Variants in PRKAR2B observed in about 807,000 individuals in gnomAD.
PRKAR2B encodes protein kinase cAMP-dependent type II regulatory subunit beta, also known as cAMP-dependent protein kinase type II-beta regulatory subunit.
In PRKAR2B, 14 loss-of-function variants were observed where a neutral mutation model predicts 49.9. The ratio of observed to expected loss-of-function variants is 0.28; its 90% CI spans 0.19 to 0.44. PRKAR2B has a LOEUF of 0.44. Among genes scored for constraint, PRKAR2B ranks in the 20% least tolerant of loss-of-function variants. The pLI, the probability that PRKAR2B is intolerant of heterozygous loss-of-function variation, is 1.00. For missense variants in PRKAR2B, 393 were observed against 537.9 expected (o/e 0.73, Z 2.67); for synonymous variants, 196 against 197.7 (o/e 0.99, Z 0.07).
chr7:107,078,531 C>T (rs1794452517), intron 2 of PRKAR2B, among the ~76,000 whole-genome samples: 1 of 152,162 alleles, frequency 6.6e-6, no homozygotes, highest in African/African-American at 2.4e-5. Flanking sequence ...CCTGTTATCT[C>T]TCAGTGCCCA....
At chr7:107,135,817 T>C (rs1298606009) in intron 4 of PRKAR2B, among the ~76,000 whole-genome samples, 1 of 152,134 alleles carries the variant, frequency 6.6e-6, no homozygotes, top group Non-Finnish European at 1.5e-5. Flanking sequence ...GTAGATTCAA[T>C]GCAGTCCCAA....
At chr7:107,073,460 T>C (rs2536504) in intron 2 of PRKAR2B, among the ~76,000 whole-genome samples, 113,442 of 152,030 alleles carry the variant, frequency 0.75, 43,328 homozygotes, top group African/African-American at 0.93. Context: ...AGCCAGCATC[T>C]TACTTGGTAC....
At chr7:107,059,156 C>A (rs1793976907) in intron 1 of PRKAR2B, among the ~76,000 whole-genome samples, 1 of 152,114 alleles carries the variant, frequency 6.6e-6, no homozygotes, top group Non-Finnish European at 1.5e-5. Context: ...GATGTAATGG[C>A]ACATGCCTGT....
At chr7:107,134,670 T>A (rs1223862360) in intron 4 of PRKAR2B, among the ~76,000 whole-genome samples, 1 of 152,158 alleles carries the variant, frequency 6.6e-6, no homozygotes, top group Non-Finnish European at 1.5e-5. Context: ...GAATTGAGAA[T>A]CTAAAAATAA....
chr7:107,067,716 T>C (rs1794182422), intron 1 of PRKAR2B, among the ~76,000 whole-genome samples: 1 of 152,194 alleles, frequency 6.6e-6, no homozygotes, highest in Non-Finnish European at 1.5e-5. Context: ...AGCATTGTAC[T>C]AGGAATCCAA....
chr7:107,117,447 G>A (rs1795297326), intron 2 of PRKAR2B, among the ~76,000 whole-genome samples: 1 of 152,096 alleles, frequency 6.6e-6, no homozygotes, highest in South Asian at 2.1e-4. Flanking sequence ...TAGATTGAAG[G>A]CCTCTAAACC....
intron 10 of PRKAR2B, 136 bp downstream of exon 10, chr7:107,157,460 T>C (rs1176304204): frequency 1.8e-6 from 2 of 1,124,056 alleles, no homozygotes; most frequent in East Asian, 2.9e-5. Flanking sequence ...TTAGGACTCA[T>C]TGCCTTATAA....
chr7:107,074,002 C>T (rs1324402442), intron 2 of PRKAR2B, among the ~76,000 whole-genome samples: 3 of 152,102 alleles, frequency 2.0e-5, no homozygotes, highest in African/African-American at 2.4e-5. Flanking sequence ...GTGGAGGTTA[C>T]AGTGGGCTGA....
chr7:107,096,404 G>A (rs1401661036), intron 2 of PRKAR2B, among the ~76,000 whole-genome samples: 1 of 150,458 alleles, frequency 6.6e-6, no homozygotes, highest in African/African-American at 2.4e-5. Context: ...TTTATTCTTT[G>A]TTAGTCTTGC....
chr7:107,098,634 C>A (rs1436503391), intron 2 of PRKAR2B, among the ~76,000 whole-genome samples: 1 of 152,136 alleles, frequency 6.6e-6, no homozygotes, highest in African/African-American at 2.4e-5. Flanking sequence ...CTGGTTTCTC[C>A]CCATCTTTGT....
chr7:107,101,399 A>G (rs886397535), intron 2 of PRKAR2B, among the ~76,000 whole-genome samples: 3 of 152,148 alleles, frequency 2.0e-5, no homozygotes, highest in African/African-American at 7.2e-5. Flanking sequence ...CTTTCTGCCA[A>G]GCTAACTCAT....
chr7:107,137,596 A>T (rs1053428797), intron 4 of PRKAR2B, among the ~76,000 whole-genome samples: 1 of 152,246 alleles, frequency 6.6e-6, no homozygotes, highest in African/African-American at 2.4e-5. Context: ...GATCATGCAT[A>T]TCTAAAATTT....
At chr7:107,064,432 C>A (rs1311656434) in intron 1 of PRKAR2B, among the ~76,000 whole-genome samples, 1 of 152,138 alleles carries the variant, frequency 6.6e-6, no homozygotes, top group African/African-American at 2.4e-5. Flanking sequence ...CACCTCCAGC[C>A]GTAATCCACG....
In PRKAR2B at chr7:107,130,216, C is replaced by T. The variant is rs532224016; in HGVS notation, c.480+1921C>T. Among the ~76,000 whole-genome samples, 28 of 152,050 alleles carry T rather than the reference C, an allele frequency of 1.8e-4. No homozygotes were observed. In the East Asian group the frequency reaches 2.3e-3, roughly 13 times the overall value. ...ATTCAAGTCTTGTTAAAAGTTATGC[C>T]GGGCCGGGCGTGGTGGCTCATGCCT... is the stretch of plus-strand genomic sequence containing the variant. On this transcript the variant is annotated intron_variant, in intron 4 of 10. Transcript: ENST00000265717.
At chr7:107,136,850 C>A (rs891991304) in intron 4 of PRKAR2B, among the ~76,000 whole-genome samples, 3 of 152,202 alleles carry the variant, frequency 2.0e-5, no homozygotes, top group African/African-American at 7.2e-5. Flanking sequence ...CACACAGAAA[C>A]CTGTACACAG....
At chr7:107,133,923 G>T (rs973470788) in intron 4 of PRKAR2B, among the ~76,000 whole-genome samples, 4 of 152,090 alleles carry the variant, frequency 2.6e-5, no homozygotes, top group Non-Finnish European at 5.9e-5. Context: ...TGTTCTTTTA[G>T]TACTATCTTG....
chr7:107,101,310 G>C (rs912472488), intron 2 of PRKAR2B, among the ~76,000 whole-genome samples: 2 of 152,096 alleles, frequency 1.3e-5, no homozygotes, highest in African/African-American at 4.8e-5. Context: ...TGGTTGGTCA[G>C]ATTATAAGGG....
At chr7:107,085,933 CATGAAATTTGAGCAT>C (rs1794611317) in intron 2 of PRKAR2B, among the ~76,000 whole-genome samples, 1 of 152,170 alleles carries the variant, frequency 6.6e-6, no homozygotes, top group Non-Finnish European at 1.5e-5. Context: ...ATCAAAGAAG[CATGAAATTTGAGCAT>C]GTGAAATTTG....
chr7:107,106,597 G>T (rs1250152030), intron 2 of PRKAR2B, among the ~76,000 whole-genome samples: 1 of 152,146 alleles, frequency 6.6e-6, no homozygotes, highest in African/African-American at 2.4e-5. Flanking sequence ...ATCTCCATCA[G>T]CTACCTCCTG....
Sources: gnomAD v4.1 joint callset for allele counts (sites outside exome capture counted in the v4.1 genomes callset) on GRCh38, gnomAD v4.1.1 for gene constraint, MANE v1.5 for transcripts, NCBI Gene and HGNC (gene_info 2026-07-23, HGNC 2026-07-21) for gene names.